RNLS: variants seen among roughly 807,000 people sequenced by gnomAD.
RNLS encodes the protein renalase, FAD dependent amine oxidase.
Under a neutral mutation model 39.8 loss-of-function variants are expected in RNLS, and 39 were observed. The ratio of observed to expected loss-of-function variants is 0.98; its 90% CI spans 0.76 to 1.28. The LOEUF (loss-of-function observed/expected upper bound fraction) is 1.28, where lower values mean the gene tolerates loss of function less well. Ranked by LOEUF, RNLS falls within the 50% of genes most tolerant of loss-of-function variation. RNLS has a pLI of 0.00. For missense variants in RNLS, 410 were observed against 413.3 expected, an observed-to-expected ratio of 0.99 and a Z score of 0.07; for synonymous variants, 147 against 150.7, an observed-to-expected ratio of 0.98 and a Z score of 0.18.
At chr10:88,387,173 A>G (rs990148978) in intron 4 of RNLS, among the ~76,000 whole-genome samples, 1 of 152,228 alleles carries the variant, frequency 6.6e-6, no homozygotes, top group Non-Finnish European at 1.5e-5. Context: ...GGAAGCCTTA[A>G]GTATTTGGAA....
the RNLS span, among the ~76,000 whole-genome samples, chr10:88,242,424 A>G: frequency 3.2e-4 from 48 of 152,372 alleles, no homozygotes; most frequent in South Asian, 1.4e-3. Context: ...TTTATTTATA[A>G]ACTTATGCAC....
the RNLS span, among the ~76,000 whole-genome samples, chr10:88,224,447 G>C: frequency 6.6e-6 from 1 of 152,180 alleles, no homozygotes; most frequent in Admixed American, 6.5e-5. Flanking sequence ...TGAAGGTTTT[G>C]AAAACTAGAA....
chr10:88,537,466 A>C (rs1276645130), intron 4 of RNLS, among the ~76,000 whole-genome samples: 1 of 152,246 alleles, frequency 6.6e-6, no homozygotes, highest in Non-Finnish European at 1.5e-5. Flanking sequence ...ATGCCCACCA[A>C]GGGTGAAATG....
At chr10:88,221,080 GC>G in the RNLS span, among the ~76,000 whole-genome samples, 3 of 152,198 alleles carry the variant, frequency 2.0e-5, no homozygotes, top group Admixed American at 2.0e-4. Flanking sequence ...AGACCGGGAA[GC>G]TTTGTATATG....
chr10:88,579,977 C>A (rs1258309547), intron 3 of RNLS, among the ~76,000 whole-genome samples: 1 of 152,196 alleles, frequency 6.6e-6, no homozygotes, highest in Non-Finnish European at 1.5e-5. Context: ...AAGGAGAATT[C>A]TTCCTGCCTG....
intron 4 of RNLS, among the ~76,000 whole-genome samples, chr10:88,442,090 T>G (rs941417991): frequency 1.3e-5 from 2 of 152,210 alleles, no homozygotes; most frequent in African/African-American, 4.8e-5. Flanking sequence ...TTAGAAGCCC[T>G]TCTGCAGAGA....
At chr10:88,453,710 C>G (rs567380685) in intron 4 of RNLS, among the ~76,000 whole-genome samples, 11 of 152,330 alleles carry the variant, frequency 7.2e-5, no homozygotes, top group Middle Eastern at 3.4e-3. Context: ...ACTCTCGTAA[C>G]AAAGCTGTTA....
At chr10:88,526,953 G>C (rs1460190858) in intron 4 of RNLS, among the ~76,000 whole-genome samples, 2 of 150,356 alleles carry the variant, frequency 1.3e-5, no homozygotes, top group Non-Finnish European at 3.0e-5. Flanking sequence ...TCTGGAGGCA[G>C]AGGTGAGGGG....
At chr10:88,392,469 G>T (rs1282909905) in intron 4 of RNLS, among the ~76,000 whole-genome samples, 1 of 152,214 alleles carries the variant, frequency 6.6e-6, no homozygotes, top group African/African-American at 2.4e-5. Flanking sequence ...TTCAAGGTGT[G>T]CTCCAAATGC....
rs76021162 is a variant in RNLS, at chr10:88,318,005, G to A, written c.701-3364C>T. Among the ~76,000 whole-genome samples, 1,027 of 152,270 alleles carry A rather than the reference G, an allele frequency of 6.7e-3. 15 individuals are homozygous for A. Among genetic ancestry groups the A allele is most frequent in the African/African-American group, 0.023 (960 of 41,550 alleles). On this transcript the variant is annotated intron_variant, in intron 5 of 6. Coordinates refer to ENST00000331772, the MANE Select transcript of RNLS (RefSeq NM_001031709.3). The stretch of plus-strand genomic sequence containing the variant: ...GCAATGCTGTCAGTGGTGACTTGGG[G>A]GAATTTTCCAGGGGCAAAGAACCAG...
chr10:88,286,473 T>C (rs1843281421), intron 6 of RNLS, among the ~76,000 whole-genome samples: 2 of 152,130 alleles, frequency 1.3e-5, no homozygotes, highest in Admixed American at 1.3e-4. Flanking sequence ...AATGTAGTTA[T>C]GTTGGACACT....
intron 4 of RNLS, among the ~76,000 whole-genome samples, chr10:88,454,243 T>C (rs2133908104): frequency 6.6e-6 from 1 of 152,236 alleles, no homozygotes; most frequent in Admixed American, 6.5e-5. Flanking sequence ...ACAAATTGAG[T>C]ATCAAATAAA....
chr10:88,305,806 A>C (rs1018728922), intron 6 of RNLS, among the ~76,000 whole-genome samples: 1 of 152,226 alleles, frequency 6.6e-6, no homozygotes, highest in African/African-American at 2.4e-5. Context: ...CAGAACTTAA[A>C]CTCAGCACTG....
intron 4 of RNLS, among the ~76,000 whole-genome samples, chr10:88,401,853 A>G (rs968969655): frequency 1.3e-5 from 2 of 152,014 alleles, no homozygotes; most frequent in African/African-American, 4.8e-5. Context: ...GCCTAATCCA[A>G]CTATGGGTAG....
At chr10:88,201,982 T>A in the RNLS span, among the ~76,000 whole-genome samples, 1 of 152,100 alleles carries the variant, frequency 6.6e-6, no homozygotes, top group Admixed American at 6.6e-5. Context: ...CATGCTACTA[T>A]AAAGACACAT....
chr10:88,341,482 C>T (rs1393801386), intron 5 of RNLS, among the ~76,000 whole-genome samples: 2 of 151,972 alleles, frequency 1.3e-5, no homozygotes, highest in Non-Finnish European at 1.5e-5. Context: ...TAAGTACTTT[C>T]AGAGGCAAAG....
At chr10:88,557,899 T>C (rs1291840460) in intron 4 of RNLS, among the ~76,000 whole-genome samples, 1 of 152,128 alleles carries the variant, frequency 6.6e-6, no homozygotes, top group Admixed American at 6.6e-5. Context: ...TTTCATCTCA[T>C]CCCCATCTCT....
intron 5 of RNLS, among the ~76,000 whole-genome samples, chr10:88,350,445 T>C (rs528094026): frequency 7.9e-5 from 12 of 152,254 alleles, no homozygotes; most frequent in African/African-American, 2.6e-4. Context: ...AGTGTTCTCA[T>C]TGTTCAATTC....
chr10:88,387,778 G>C (rs1360686792), intron 4 of RNLS, among the ~76,000 whole-genome samples: 1 of 152,178 alleles, frequency 6.6e-6, no homozygotes, highest in Non-Finnish European at 1.5e-5. Flanking sequence ...TAATGATTTA[G>C]AGTTGTCCTG....
Sources: allele counts gnomAD v4.1 joint callset (sites outside exome capture counted in the v4.1 genomes callset), GRCh38; gene constraint gnomAD v4.1.1; transcripts MANE v1.5; gene names NCBI Gene and HGNC (gene_info 2026-07-23, HGNC 2026-07-21).